The following COBL variants were observed in gnomAD, a reference collection of about 807,000 sequenced individuals.
COBL encodes protein cordon-bleu.
Under a neutral mutation model 98.8 loss-of-function variants are expected in COBL, and 51 were observed. The observed-to-expected ratio is 0.52, with a 90% CI of 0.41 to 0.65. COBL has a LOEUF of 0.65. Ranked by LOEUF, COBL falls within the 30% of genes least tolerant of loss-of-function variation. The pLI is 0.00. For synonymous variants in COBL, 634 were observed against 651.7 expected (o/e 0.97, Z 0.41); for missense variants, 1,617 against 1,617.5 (o/e 1.00, Z 0.01).
At chr7:51,170,426 T>A (rs1787736926) in intron 5 of COBL, among the ~76,000 whole-genome samples, 1 of 150,656 alleles carries the variant, frequency 6.6e-6, no homozygotes, top group Non-Finnish European at 1.5e-5. Context: ...CTCATGCTTT[T>A]CGGGGTTTTC....
At chr7:51,071,032 A>G (rs1394515637) in intron 7 of COBL, 1 of 152,236 alleles carries the variant, frequency 6.6e-6, no homozygotes, top group South Asian at 2.1e-4. Context: ...TAGTTGAAAA[A>G]TAATGCATAG....
chr7:51,110,209 C>G (rs1796700399), intron 6 of COBL, among the ~76,000 whole-genome samples: 1 of 152,136 alleles, frequency 6.6e-6, no homozygotes, highest in South Asian at 2.1e-4. Flanking sequence ...GAACTTATTC[C>G]TTCGACCTAA....
intron 6 of COBL, among the ~76,000 whole-genome samples, chr7:51,115,936 G>C (rs114546021): frequency 0.026 from 3,940 of 152,034 alleles, 152 homozygotes; most frequent in African/African-American, 0.085. Flanking sequence ...AAATCTTCCT[G>C]ATGTATTGAT....
chr7:51,310,083 G>A (rs920305018), intron 1 of COBL, among the ~76,000 whole-genome samples: 2 of 152,318 alleles, frequency 1.3e-5, no homozygotes, highest in South Asian at 2.1e-4. Context: ...CTGGAGCCTC[G>A]CTGTCCACTG....
At chr7:51,055,356 C>T (rs1397906276) in intron 7 of COBL, among the ~76,000 whole-genome samples, 1 of 152,188 alleles carries the variant, frequency 6.6e-6, no homozygotes, top group Non-Finnish European at 1.5e-5. Flanking sequence ...CGTCCTCATC[C>T]ACAAGGCCGA....
At chr7:51,141,803 C>A (rs1234663633) in intron 5 of COBL, among the ~76,000 whole-genome samples, 1 of 152,088 alleles carries the variant, frequency 6.6e-6, no homozygotes, top group Non-Finnish European at 1.5e-5. Context: ...GTCTGTTGGG[C>A]AGAGCAGCTC....
intron 2 of COBL, among the ~76,000 whole-genome samples, chr7:51,210,312 T>C (rs1792292372): frequency 6.6e-6 from 1 of 152,072 alleles, no homozygotes; most frequent in Non-Finnish European, 1.5e-5. Context: ...CCAAACCCTA[T>C]AAGGACATGA....
chr7:51,311,355 G>A (rs1421390603), intron 1 of COBL, among the ~76,000 whole-genome samples: 1 of 152,190 alleles, frequency 6.6e-6, no homozygotes, highest in African/African-American at 2.4e-5. Flanking sequence ...GGCTGGCTCA[G>A]AAGCACAGGG....
chr7:51,265,865 TC>T (rs994709579), intron 1 of COBL, among the ~76,000 whole-genome samples: 1 of 152,128 alleles, frequency 6.6e-6, no homozygotes, highest in Non-Finnish European at 1.5e-5. Context: ...CAAGAAACAG[TC>T]ATATGCGATT....
chr7:51,252,682 G>T (rs1441062291), intron 1 of COBL, among the ~76,000 whole-genome samples: 1 of 152,110 alleles, frequency 6.6e-6, no homozygotes, highest in East Asian at 1.9e-4. Flanking sequence ...TTATACAAGG[G>T]TATAATATTG....
intron 7 of COBL, among the ~76,000 whole-genome samples, chr7:51,067,092 A>T (rs1792008738): frequency 6.6e-6 from 1 of 152,188 alleles, no homozygotes; most frequent in Non-Finnish European, 1.5e-5. Context: ...CCGAAGCACC[A>T]GGCTCAGAGA....
intron 1 of COBL, among the ~76,000 whole-genome samples, chr7:51,304,909 G>A (rs1802315569): frequency 6.6e-6 from 1 of 152,114 alleles, no homozygotes; most frequent in Admixed American, 6.6e-5. Context: ...GAGGGCGGAT[G>A]TGTGGGCCTT....
intron 1 of COBL, among the ~76,000 whole-genome samples, chr7:51,288,306 C>A (rs1036941214): frequency 6.7e-6 from 1 of 149,482 alleles, no homozygotes; most frequent in African/African-American, 2.5e-5. Flanking sequence ...TGGTGGCAGG[C>A]GCCTGTAGTC....
At chr7:51,073,398 A>G in intron 7 of COBL, 3 of 675,106 alleles carry the variant, frequency 4.4e-6, no homozygotes, top group Non-Finnish European at 5.4e-6. Flanking sequence ...GCGGGGGGAA[A>G]ATAAATGGCA....
At chr7:51,149,292 TCTGTGGTGCTTTCCCCAC>T (rs1401031789) in intron 5 of COBL, among the ~76,000 whole-genome samples, 5 of 152,152 alleles carry the variant, frequency 3.3e-5, no homozygotes, top group African/African-American at 7.2e-5. Flanking sequence ...GGAACTGGCG[TCTGTGGTGCTTTCCCCAC>T]CTGTGGTCAA....
chr7:51,182,515 C>T (rs908135410), intron 5 of COBL, among the ~76,000 whole-genome samples: 1 of 152,088 alleles, frequency 6.6e-6, no homozygotes, highest in Admixed American at 6.6e-5. Context: ...CTCCTGACCT[C>T]AGGTGACCTG....
At chr7:51,244,727 T>C (rs1336209076) in intron 1 of COBL, among the ~76,000 whole-genome samples, 6 of 152,082 alleles carry the variant, frequency 3.9e-5, no homozygotes, top group Non-Finnish European at 7.4e-5. Context: ...AACAGGGCCC[T>C]CAGGTAGATG....
At chr7:51,156,811 C>T (rs2129029677) in intron 5 of COBL, among the ~76,000 whole-genome samples, 1 of 152,074 alleles carries the variant, frequency 6.6e-6, no homozygotes, top group East Asian at 1.9e-4. Context: ...ACTTTCATTT[C>T]TTAACCCTTC....
intron 7 of COBL, among the ~76,000 whole-genome samples, chr7:51,060,928 G>A (rs1414674935): frequency 1.3e-5 from 2 of 152,128 alleles, no homozygotes; most frequent in African/African-American, 4.8e-5. Context: ...TGGAGGTAAG[G>A]AACAGTATGG....
Sources: allele counts gnomAD v4.1 joint callset (sites outside exome capture counted in the v4.1 genomes callset), GRCh38; gene constraint gnomAD v4.1.1; transcripts MANE v1.5; gene names NCBI Gene and HGNC (gene_info 2026-07-23, HGNC 2026-07-21).